The following COL25A1 variants were observed in gnomAD, a reference collection of about 807,000 sequenced individuals.
The protein encoded by COL25A1 is collagen type XXV alpha 1 chain.
COL25A1 carries 103 observed loss-of-function variants against 128.4 expected under a neutral mutation model. The ratio of observed to expected loss-of-function variants is 0.80; its 90% CI spans 0.68 to 0.94. COL25A1 has a LOEUF of 0.94. Among genes scored for constraint, COL25A1 ranks in the 40% least tolerant of loss-of-function variants. The pLI is 0.00. For missense variants in COL25A1, 745 were observed against 840.0 expected (o/e 0.89, Z 1.40); for synonymous variants, 279 against 277.2 (o/e 1.01, Z -0.06).
At chr4:108,992,015 A>G (rs1754278739) in intron 6 of COL25A1, among the ~76,000 whole-genome samples, 1 of 152,198 alleles carries the variant, frequency 6.6e-6, no homozygotes, top group Non-Finnish European at 1.5e-5. Flanking sequence ...GATTTGGGGG[A>G]AAAGGCAAAG....
At chr4:109,290,575 T>A (rs1724371603) in intron 3 of COL25A1, among the ~76,000 whole-genome samples, 1 of 152,102 alleles carries the variant, frequency 6.6e-6, no homozygotes, top group African/African-American at 2.4e-5. Context: ...TGGGAAATTG[T>A]CAGTATGTCT....
At chr4:108,949,690 C>G (rs538978114) in intron 8 of COL25A1, among the ~76,000 whole-genome samples, 6 of 151,376 alleles carry the variant, frequency 4.0e-5, no homozygotes, top group South Asian at 2.1e-4. Flanking sequence ...TGTGCCACCA[C>G]GCCTGCTAAT....
At chr4:109,045,519 A>G (rs910788518) in intron 5 of COL25A1, among the ~76,000 whole-genome samples, 1 of 152,182 alleles carries the variant, frequency 6.6e-6, no homozygotes, top group African/African-American at 2.4e-5. Flanking sequence ...ATTTGTTATA[A>G]AGCCACCTAC....
chr4:108,847,976 A>G (rs1305372419), intron 27 of COL25A1, among the ~76,000 whole-genome samples: 1 of 152,168 alleles, frequency 6.6e-6, no homozygotes, highest in Non-Finnish European at 1.5e-5. Context: ...AAAGATCTTG[A>G]AATTAACCCT....
chr4:109,293,083 G>A (rs983755631), intron 3 of COL25A1, among the ~76,000 whole-genome samples: 4 of 152,000 alleles, frequency 2.6e-5, no homozygotes, highest in Admixed American at 6.6e-5. Context: ...TCCTGGAAGG[G>A]TAATACAAAC....
chr4:109,248,315 A>G (rs2126239790), intron 3 of COL25A1, among the ~76,000 whole-genome samples: 1 of 152,268 alleles, frequency 6.6e-6, no homozygotes, highest in East Asian at 1.9e-4. Flanking sequence ...GCATATATTC[A>G]ACTATGGTAA....
chr4:109,002,432 T>C (rs1010527235), intron 6 of COL25A1, among the ~76,000 whole-genome samples: 1 of 152,200 alleles, frequency 6.6e-6, no homozygotes, highest in Non-Finnish European at 1.5e-5. Flanking sequence ...CTGGATGACA[T>C]TGTGCTAAGT....
intron 3 of COL25A1, among the ~76,000 whole-genome samples, chr4:109,275,489 CAG>C (rs1243333631): frequency 6.6e-6 from 1 of 152,106 alleles, no homozygotes; most frequent in African/African-American, 2.4e-5. Flanking sequence ...TAAAGTGACA[CAG>C]AGATGTGTGA....
At chr4:108,921,980 C>T (rs987249710) in intron 11 of COL25A1, among the ~76,000 whole-genome samples, 29 of 152,062 alleles carry the variant, frequency 1.9e-4, no homozygotes, top group African/African-American at 6.5e-4. Flanking sequence ...TCAAACCAAA[C>T]GTATGTGTAC....
intron 32 of COL25A1, among the ~76,000 whole-genome samples, chr4:108,832,165 A>G (rs561872778): frequency 6.6e-6 from 1 of 152,266 alleles, no homozygotes; most frequent in Non-Finnish European, 1.5e-5. Flanking sequence ...AAATGTATGT[A>G]TTGTTTTTAT....
chr4:108,942,200 AC>A, intron 8 of COL25A1: 1 of 1,550,146 alleles, frequency 6.5e-7, no homozygotes, highest in Non-Finnish European at 8.7e-7. Context: ...ATGAGTGACA[AC>A]CACAAACCTT....
At chr4:109,130,620 T>C (rs1769106039) in intron 3 of COL25A1, among the ~76,000 whole-genome samples, 1 of 152,064 alleles carries the variant, frequency 6.6e-6, no homozygotes, top group Admixed American at 6.5e-5. Context: ...CAAATGAGTA[T>C]GTTGGGACCA....
At chr4:108,960,836 C>T (rs899836540) in intron 8 of COL25A1, among the ~76,000 whole-genome samples, 5 of 152,020 alleles carry the variant, frequency 3.3e-5, no homozygotes, top group Admixed American at 2.6e-4. Flanking sequence ...GAAGTCAGAG[C>T]CAGTCTTTGA....
chr4:108,848,863 T>C (rs1578532972), intron 26 of COL25A1, 60 bp from the exon 27 acceptor site: 5 of 1,290,852 alleles, frequency 3.9e-6, no homozygotes, highest in Admixed American at 1.9e-5. Flanking sequence ...CTGCACTACA[T>C]AAAAAAACGA....
At chr4:108,869,190 CAATAAATA>C (rs72348233) in intron 19 of COL25A1, 40 bp from the exon 20 acceptor site, 290 of 754,300 alleles carry the variant, frequency 3.8e-4, no homozygotes, top group African/African-American at 2.7e-3. Context: ...AATCATTTGA[CAATAAATA>C]AATAAATAAA....
chr4:109,247,166 C>G (rs1283545405), intron 3 of COL25A1, among the ~76,000 whole-genome samples: 1 of 152,098 alleles, frequency 6.6e-6, no homozygotes, highest in Admixed American at 6.6e-5. Context: ...GAGTTCAAGA[C>G]CAGCCTGGCC....
At chr4:108,899,481 C>T (rs1742565481) in intron 14 of COL25A1, among the ~76,000 whole-genome samples, 1 of 152,072 alleles carries the variant, frequency 6.6e-6, no homozygotes, top group Non-Finnish European at 1.5e-5. Context: ...GATGGTGTGG[C>T]AATTCAATAT....
intron 5 of COL25A1, among the ~76,000 whole-genome samples, chr4:109,013,599 C>T (rs978057001): frequency 3.9e-5 from 6 of 152,162 alleles, no homozygotes; most frequent in Non-Finnish European, 7.3e-5. Context: ...TCTGCAGCTT[C>T]ACTCCTGAGG....
intron 3 of COL25A1, among the ~76,000 whole-genome samples, chr4:109,146,115 C>T (rs1249205910): frequency 1.3e-5 from 2 of 152,066 alleles, no homozygotes; most frequent in African/African-American, 4.8e-5. Flanking sequence ...AAGAAATATT[C>T]ATCTTGCTGT....
Sources: allele counts gnomAD v4.1 joint callset (sites outside exome capture counted in the v4.1 genomes callset), GRCh38; gene constraint gnomAD v4.1.1; transcripts MANE v1.5; gene names NCBI Gene and HGNC (gene_info 2026-07-23, HGNC 2026-07-21).